Variants in GCHFR observed in about 807,000 individuals in gnomAD.
GCHFR encodes the protein GTP cyclohydrolase 1 feedback regulatory protein.
In GCHFR, 12 loss-of-function variants were observed where a neutral mutation model predicts 10.6. The observed-to-expected ratio is 1.13, with a 90% CI of 0.72 to 1.83. The LOEUF is 1.83. GCHFR is among the 40% of genes most tolerant of loss of function. The pLI, the probability that GCHFR is intolerant of heterozygous loss-of-function variation, is 0.00. For synonymous variants in GCHFR, 54 were observed against 43.7 expected (o/e 1.24, Z -0.93); for missense variants, 116 against 110.6 (o/e 1.05, Z -0.22).
intron 1 of GCHFR, chr15:40,764,418 A>AATTTC (rs1473626385): frequency 2.0e-6 from 1 of 506,928 alleles, no homozygotes; most frequent in Non-Finnish European, 3.4e-6. Context: ...GGCCGGCCTG[A>AATTTC]AGCCTTTATT....
Position 40,767,454 on chromosome 15 carries a change from A to T in GCHFR, c.*105A>T. ...CGTCTGCCTTGCTCCTCTCTTCCCAAATCATCACCGCCATGGGCCCAGCCC... is the reference window on the plus strand; with the variant it reads ...CGTCTGCCTTGCTCCTCTCTTCCCATATCATCACCGCCATGGGCCCAGCCC... On this transcript the variant is annotated 3_prime_UTR_variant, in exon 3 of 3. Transcript: ENST00000260447. 7.7e-7 allele frequency: 1 copy of T among 1,295,592 alleles called. No individual in the cohort carries two copies. The highest frequency in any genetic ancestry group is 1.0e-6 in the Non-Finnish European group (1 of 957,140). The allele number at this position is 1,295,592 out of a possible 1,614,324, so 80.3% of individuals were successfully genotyped here.
intron 2 of GCHFR, chr15:40,766,503 CA>C (rs1888953410): frequency 6.6e-6 from 1 of 152,258 alleles, no homozygotes; most frequent in Non-Finnish European, 1.5e-5. Flanking sequence ...AGTGCCAGTT[CA>C]AATCGGGGAA....
chr15:40,767,682 C>G lies in GCHFR; in HGVS notation c.*333C>G, dbSNP rs998874567. On this transcript the variant is annotated 3_prime_UTR_variant, in exon 3 of 3. Coordinates refer to ENST00000260447, the MANE Select transcript of GCHFR (RefSeq NM_005258.3). ...GCGCGTGGCTCCTGCATAGCTAGCC[C>G]AAGCCAATAAAGGGCTGTGATGAGT... 8 of 612,034 alleles carry G rather than the reference C, an allele frequency of 1.3e-5. No homozygotes were observed. The highest frequency in any genetic ancestry group is 1.9e-5 in the Non-Finnish European group (7 of 367,488). The allele number at this position is 612,034 out of a possible 1,614,324, so 37.9% of individuals were successfully genotyped here. A position where few individuals can be genotyped will look rare whatever the true frequency, so the allele number is the denominator to read the frequency against.
intron 1 of GCHFR, chr15:40,765,073 G>A (rs911731029): frequency 1.5e-4 from 23 of 152,232 alleles, no homozygotes; most frequent in African/African-American, 5.6e-4. Context: ...CCAAAATGTG[G>A]ATTCCTGGGT....
At chr15:40,764,512 A>G in intron 1 of GCHFR, 1 of 429,070 alleles carries the variant, frequency 2.3e-6, no homozygotes, top group South Asian at 3.9e-5. Flanking sequence ...TGTCGGCGGG[A>G]GAGACCCAGG....
rs757681808 is a variant in GCHFR at position 40,767,271 on chromosome 15, G to A, written c.177G>A (p.Lys59=). The change falls in exon 3 of 3, where the codon AAG becomes AAA. Residue 59 remains lysine (K), a synonymous_variant. Coordinates refer to ENST00000260447, the MANE Select transcript of GCHFR (RefSeq NM_005258.3). ...ACCCTCCCCGCATAGTCCTGGACAA[G>A]CTGGAACGCAGGGGCTTCCGTGTGC... ...VDDPPRIVLD[K]LERRGFRVLS... is the part of the protein sequence containing the mutation. The A allele has an allele frequency of 1.2e-6, 2 of 1,604,458 alleles. No individual in the cohort carries two copies. Among genetic ancestry groups the A allele is most frequent in the Admixed American group, 1.7e-5 (1 of 59,038 alleles).
In GCHFR at chr15:40,767,463, C is replaced by T. The variant is rs1008133201; in HGVS notation, c.*114C>T. On this transcript the variant is annotated 3_prime_UTR_variant, in exon 3 of 3. Coordinates refer to ENST00000260447, the MANE Select transcript of GCHFR (RefSeq NM_005258.3). ...TGCTCCTCTCTTCCCAAATCATCACCGCCATGGGCCCAGCCCCAAAGGGCA... is the reference window on the plus strand; with the variant it reads ...TGCTCCTCTCTTCCCAAATCATCACTGCCATGGGCCCAGCCCCAAAGGGCA... The T allele has an allele frequency of 5.7e-6, 7 of 1,222,364 alleles. No homozygotes were observed. In the African/African-American group the frequency reaches 7.9e-5, roughly 14 times the overall value. The allele number at this position is 1,222,364 out of a possible 1,614,324, so 75.7% of individuals were successfully genotyped here.
Position 40,767,207 on chromosome 15 carries a change from C to A in GCHFR, c.132-19C>A, listed in dbSNP as rs376440278. ...TGCTGTGTGCCCCTCCTCACCCCCCCCATCCTGTCTCTTTGCAGTTATGAA... is the reference window on the plus strand; with the variant it reads ...TGCTGTGTGCCCCTCCTCACCCCCCACATCCTGTCTCTTTGCAGTTATGAA... On this transcript the variant is annotated intron_variant, in intron 2 of 2. Coordinates refer to ENST00000260447, the MANE Select transcript of GCHFR (RefSeq NM_005258.3). 28 of 1,487,408 alleles carry A rather than the reference C, an allele frequency of 1.9e-5. No homozygotes were observed. The highest frequency in any genetic ancestry group is 3.5e-4 in the Middle Eastern group (2 of 5,640). The allele number at this position is 1,487,408 out of a possible 1,614,324, so 92.1% of individuals were successfully genotyped here.
In GCHFR at chr15:40,767,218, CTT is replaced by C. The variant is rs1326928003; in HGVS notation, c.132-6_132-5del. 1 of 1,512,016 alleles carries C rather than the reference CTT, an allele frequency of 6.6e-7. No homozygotes were observed. The highest frequency in any genetic ancestry group is 2.2e-5 in the Admixed American group (1 of 45,670). 93.7% of individuals were successfully genotyped at this position (1,512,016 alleles called of 1,614,324 possible). A position where few individuals can be genotyped will look rare whatever the true frequency, so the allele number is the denominator to read the frequency against. ...CCTCCTCACCCCCCCCATCCTGTCT[CTT>C]TGCAGTTATGAATACTACGTCGATG... On this transcript the variant is annotated splice_region_variant and splice_polypyrimidine_tract_variant and intron_variant, in intron 2 of 2. Coordinates refer to ENST00000260447, the MANE Select transcript of GCHFR (RefSeq NM_005258.3).
chr15:40,764,752 C>T (rs186913112), intron 1 of GCHFR: 1 of 152,900 alleles, frequency 6.5e-6, no homozygotes, highest in Admixed American at 6.5e-5. Context: ...GAAAGAACAC[C>T]CTGCTTGGAA....
In GCHFR at chr15:40,767,299, AGC is replaced by A. The variant is rs1888971881; in HGVS notation, c.206_207del (p.Ser69AsnfsTer21). ...GGAACGCAGGGGCTTCCGTGTGCTG[AGC>A]ATGACGGGGGTGGGCCAGACGCTGG... The part of the protein sequence containing the change: ...KLERRGFRVL[S>X]MTGVGQTLVW... On this transcript the variant is annotated frameshift_variant, in exon 3 of 3. Coordinates refer to ENST00000260447, the MANE Select transcript of GCHFR (RefSeq NM_005258.3). LOFTEE classifies it high-confidence loss of function. The A allele has an allele frequency of 6.2e-7, 1 of 1,604,722 alleles. No homozygotes were observed. The highest frequency in any genetic ancestry group is 1.3e-5 in the African/African-American group (1 of 74,218).
intron 2 of GCHFR, 171 bp downstream of exon 2, chr15:40,766,092 T>C (rs1276056112): frequency 2.4e-6 from 1 of 423,962 alleles, no homozygotes; most frequent in South Asian, 5.1e-5. Context: ...CTCTCCAACA[T>C]CCCCCCTCTC....
Position 40,767,396 on chromosome 15 carries a change from C to A in GCHFR, c.*47C>A. ...ACGGGGCACCCCTGTGGAGGGGCTG[C>A]TGTGGGCCCTGACCTCCAAGCTCCT... On this transcript the variant is annotated 3_prime_UTR_variant, in exon 3 of 3. Coordinates refer to ENST00000260447, the MANE Select transcript of GCHFR (RefSeq NM_005258.3). 6.5e-7 allele frequency: 1 copy of A among 1,549,040 alleles called. No homozygotes were observed. The highest frequency in any genetic ancestry group is 8.7e-7 in the Non-Finnish European group (1 of 1,149,324).
In GCHFR at chr15:40,764,201, C is replaced by A; in HGVS notation, c.21C>A (p.Ser7Arg). ...GCACCATGCCCTACCTGCTCATCAGCACCCAGATCCGCATGGTGAGTACCG... is the reference window on the plus strand; with the variant it reads ...GCACCATGCCCTACCTGCTCATCAGAACCCAGATCCGCATGGTGAGTACCG... MPYLLI[S>R]TQIRMEVGPT... Residue 7 changes from serine to arginine, a missense_variant, in exon 1 of 3, where the codon AGC becomes AGA. Coordinates refer to ENST00000260447, the MANE Select transcript of GCHFR (RefSeq NM_005258.3). The A allele has an allele frequency of 1.3e-6, 2 of 1,559,536 alleles. No individual in the cohort carries two copies. The highest frequency in any genetic ancestry group is 2.4e-5 in the East Asian group (1 of 41,826).
At chr15:40,766,098 CT>C (rs1888942616) in intron 2 of GCHFR, 177 bp downstream of exon 2, 1 of 433,318 alleles carries the variant, frequency 2.3e-6, no homozygotes, top group Non-Finnish European at 4.2e-6. Context: ...AACATCCCCC[CT>C]CTCCCCCACG....
At chr15:40,767,165 G>T in intron 2 of GCHFR, 61 bp from the exon 3 acceptor site, 1 of 1,433,104 alleles carries the variant, frequency 7.0e-7, no homozygotes, top group Non-Finnish European at 9.2e-7. Context: ...GCAGACACTA[G>T]CTTTGTACCA....
chr15:40,764,427 T>C, intron 1 of GCHFR: 1 of 492,772 alleles, frequency 2.0e-6, no homozygotes, highest in Non-Finnish European at 3.6e-6. Flanking sequence ...GAAGCCTTTA[T>C]TGCCGCGAAG....
chr15:40,764,307 ACCG>A, intron 1 of GCHFR, 91 bp downstream of exon 1: 4 of 1,201,522 alleles, frequency 3.3e-6, no homozygotes, highest in Non-Finnish European at 4.5e-6. Flanking sequence ...GGCTGCACCC[ACCG>A]GGGACTGGAC....
At chr15:40,765,017 G>A (rs1325786508) in intron 1 of GCHFR, 1 of 152,186 alleles carries the variant, frequency 6.6e-6, no homozygotes, top group African/African-American at 2.4e-5. Context: ...GAGAGCTCTT[G>A]CAGAGCCCTG....
Sources: gnomAD v4.1 joint callset for allele counts on GRCh38, gnomAD v4.1.1 for gene constraint, MANE v1.5 for transcripts, NCBI Gene and HGNC (gene_info 2026-07-23, HGNC 2026-07-21) for gene names.